Variants in SLC25A28 observed in about 807,000 individuals in gnomAD.
SLC25A28 encodes mitoferrin-2.
SLC25A28 carries 10 observed loss-of-function variants against 31.9 expected under a neutral mutation model. The ratio of observed to expected loss-of-function variants is 0.31; its 90% CI spans 0.19 to 0.53. The LOEUF is 0.53. Among genes scored for constraint, SLC25A28 ranks in the 20% least tolerant of loss-of-function variants. The probability of loss-of-function intolerance (pLI) is 0.95; values close to 1 mark genes in which losing one functional copy is unlikely to be tolerated. For missense variants in SLC25A28, 256 were observed against 490.3 expected (o/e 0.52, Z 4.51); for synonymous variants, 208 against 203.6 (o/e 1.02, Z -0.19).
the SLC25A28 span, among the ~76,000 whole-genome samples, chr10:99,646,546 C>T: frequency 6.6e-6 from 1 of 152,196 alleles, no homozygotes; most frequent in Non-Finnish European, 1.5e-5. Context: ...GGCTCACGCT[C>T]CATGGGCTGC....
the SLC25A28 span, among the ~76,000 whole-genome samples, chr10:99,655,807 A>G: frequency 3.9e-5 from 6 of 152,252 alleles, no homozygotes; most frequent in African/African-American, 1.4e-4. Context: ...GACAATCACA[A>G]TTTATCTCCT....
At chr10:99,645,967 C>A in the SLC25A28 span, among the ~76,000 whole-genome samples, 2 of 152,200 alleles carry the variant, frequency 1.3e-5, no homozygotes, top group Non-Finnish European at 2.9e-5. Context: ...TGTCAGTCGG[C>A]CCCTACTGGG....
chr10:99,641,920 G>C, the SLC25A28 span, among the ~76,000 whole-genome samples: 1 of 152,124 alleles, frequency 6.6e-6, no homozygotes, highest in Non-Finnish European at 1.5e-5. Flanking sequence ...TGTTCCATTA[G>C]TCTATATCTC....
intron 1 of SLC25A28, chr10:99,618,793 A>C: frequency 1.0e-6 from 1 of 985,422 alleles, no homozygotes; most frequent in Non-Finnish European, 1.2e-6. Flanking sequence ...CCTTATCCAC[A>C]TTCTAATGAA....
upstream of SLC25A28, among the ~76,000 whole-genome samples, chr10:99,623,168 C>T (rs1433440505): frequency 6.6e-6 from 1 of 152,116 alleles, no homozygotes; most frequent in Non-Finnish European, 1.5e-5. Flanking sequence ...GCAGAAGGAA[C>T]AGTAGGTACG....
At chr10:99,619,933 G>T in intron 1 of SLC25A28, 112 bp downstream of exon 1, 1 of 1,141,070 alleles carries the variant, frequency 8.8e-7, no homozygotes, top group Non-Finnish European at 1.2e-6. Context: ...AGTGGCAGGA[G>T]CCAGGAAGGA....
chr10:99,621,833 C>CT (rs1000898975), upstream of SLC25A28: 1 of 152,198 alleles, frequency 6.6e-6, no homozygotes, highest in East Asian at 1.9e-4. Context: ...TTTTTAAAAA[C>CT]TTTTTCTACT....
chr10:99,652,113 A>T, the SLC25A28 span: 2 of 152,168 alleles, frequency 1.3e-5, no homozygotes, highest in South Asian at 4.1e-4. Context: ...GTTTTTACTC[A>T]TTAATATTTC....
At chr10:99,622,250 C>T (rs1029940438), upstream of SLC25A28, among the ~76,000 whole-genome samples, 5 of 152,110 alleles carry the variant, frequency 3.3e-5, no homozygotes, top group Non-Finnish European at 5.9e-5. Flanking sequence ...GGATTGCTTG[C>T]GCCAGGGAGG....
the SLC25A28 span, among the ~76,000 whole-genome samples, chr10:99,641,977 G>A: frequency 6.6e-6 from 1 of 152,122 alleles, no homozygotes; most frequent in South Asian, 2.1e-4. Context: ...TAGCCTTGTA[G>A]TATAGTTTGA....
rs754763699 is a variant in SLC25A28 at position 99,611,152 on chromosome 10, G to A, written c.792C>T (p.His264=). The A allele has an allele frequency of 2.9e-5, 47 of 1,614,198 alleles. No individual in the cohort carries two copies. Among genetic ancestry groups the A allele is most frequent in the Non-Finnish European group, 3.6e-5 (42 of 1,180,034 alleles). Residue 264 remains histidine, a synonymous_variant, in exon 4 of 4, where the codon CAC becomes CAT. Coordinates refer to ENST00000370495, the MANE Select transcript of SLC25A28 (RefSeq NM_031212.4). The surrounding 1 kb of genome is among the most constrained non-coding windows in gnomAD (Gnocchi z 5.5). The part of the protein sequence containing the change: ...NPQRRYNPSS[H]VLSGACAGAV... ...CTCCTGCGCAAGCTCCAGAGAGGAC[G>A]TGGGAGCTTGGGTTGTACCGTCTCT...
the SLC25A28 span, among the ~76,000 whole-genome samples, chr10:99,635,697 C>T: frequency 6.7e-6 from 1 of 150,132 alleles, no homozygotes; most frequent in Non-Finnish European, 1.5e-5. Context: ...AAGAGCTCAC[C>T]AACCAACTAT....
At chr10:99,646,929 ACTTT>A in the SLC25A28 span, among the ~76,000 whole-genome samples, 1 of 152,122 alleles carries the variant, frequency 6.6e-6, no homozygotes, top group Non-Finnish European at 1.5e-5. Flanking sequence ...GCTGTATTTG[ACTTT>A]CTGAGTTATT....
chr10:99,625,813 A>G, the SLC25A28 span, among the ~76,000 whole-genome samples: 2 of 152,222 alleles, frequency 1.3e-5, no homozygotes, highest in African/African-American at 4.8e-5. Context: ...GTCAGAACAC[A>G]GACCCAGAAG....
At chr10:99,614,679 G>A (rs1045328980) in intron 1 of SLC25A28, among the ~76,000 whole-genome samples, 3 of 152,184 alleles carry the variant, frequency 2.0e-5, no homozygotes, top group East Asian at 1.9e-4. Flanking sequence ...GAATAAAAGC[G>A]TAGGGTAGAC....
upstream of SLC25A28, among the ~76,000 whole-genome samples, chr10:99,622,166 T>C (rs1044968898): frequency 3.4e-4 from 52 of 152,030 alleles, no homozygotes; most frequent in African/African-American, 1.2e-3. Context: ...AAATAATAAA[T>C]ACAAAAAAGT....
chr10:99,615,944 G>T (rs1365263182), intron 1 of SLC25A28: 1 of 985,398 alleles, frequency 1.0e-6, no homozygotes, highest in Non-Finnish European at 1.2e-6. Flanking sequence ...ACCGGACTGT[G>T]GGAAGCTACT....
chr10:99,645,625 A>G, the SLC25A28 span, among the ~76,000 whole-genome samples: 1 of 152,158 alleles, frequency 6.6e-6, no homozygotes, highest in Non-Finnish European at 1.5e-5. Flanking sequence ...CCTTTGGAGG[A>G]GAAGAGGTGC....
At chr10:99,633,866 C>T in the SLC25A28 span, among the ~76,000 whole-genome samples, 2 of 152,136 alleles carry the variant, frequency 1.3e-5, no homozygotes, top group African/African-American at 4.8e-5. Context: ...AAGCACTAAA[C>T]CACCAAAGCT....
Sources: allele counts gnomAD v4.1 joint callset (sites outside exome capture counted in the v4.1 genomes callset), GRCh38; gene constraint gnomAD v4.1.1; non-coding constraint Gnocchi (gnomAD v3.1); transcripts MANE v1.5; gene names NCBI Gene and HGNC (gene_info 2026-07-23, HGNC 2026-07-21).